Variants in KCNIP3 observed in about 807,000 individuals in gnomAD.
The protein encoded by KCNIP3 is potassium voltage-gated channel interacting protein 3, also known as calsenilin.
A neutral mutation model predicts 35.0 loss-of-function variants in KCNIP3; 28 were observed. The observed-to-expected ratio is 0.80, with a 90% CI of 0.59 to 1.10. The LOEUF is 1.10. KCNIP3 is among the 50% of genes least tolerant of loss of function. The probability of loss-of-function intolerance (pLI) is 0.00; values close to 1 mark genes in which losing one functional copy is unlikely to be tolerated. For synonymous variants in KCNIP3, 134 were observed against 133.8 expected (o/e 1.00, Z -0.01); for missense variants, 295 against 338.4 (o/e 0.87, Z 1.01).
At chr2:95,352,100 T>C (rs571958825) in intron 2 of KCNIP3, among the ~76,000 whole-genome samples, 3 of 152,198 alleles carry the variant, frequency 2.0e-5, no homozygotes, top group Admixed American at 2.0e-4. Flanking sequence ...CCGTCTCTAC[T>C]AAAAATACAA....
intron 2 of KCNIP3, among the ~76,000 whole-genome samples, chr2:95,329,104 G>A (rs1337007480): frequency 6.6e-6 from 1 of 152,220 alleles, no homozygotes; most frequent in Non-Finnish European, 1.5e-5. Context: ...AACATGGGCT[G>A]TGATGAGAGA....
At chr2:95,359,011 T>C (rs1679726319) in intron 2 of KCNIP3, among the ~76,000 whole-genome samples, 1 of 152,194 alleles carries the variant, frequency 6.6e-6, no homozygotes, top group Admixed American at 6.5e-5. Context: ...GTCCCATCTC[T>C]TAATACTGTT....
chr2:95,297,488 G>C lies in KCNIP3; in HGVS notation c.15+35G>C, dbSNP rs375786956. ...GGGGGAATGGGGTCTTGCTCTGGAG[G>C]GGGGTCGGGGGGAGGAATGGAGGCT... On this transcript the variant is annotated intron_variant, in intron 1 of 8. Transcript: ENST00000295225. 28 of 1,337,040 alleles carry C rather than the reference G, an allele frequency of 2.1e-5. No homozygotes were observed. The African/African-American group carries it at 3.7e-4, about 18-fold the overall frequency. 82.8% of individuals were successfully genotyped at this position (1,337,040 alleles called of 1,614,324 possible). A position where few individuals can be genotyped will look rare whatever the true frequency, so the allele number is the denominator to read the frequency against.
chr2:95,328,047 C>T (rs1426068682), intron 2 of KCNIP3, among the ~76,000 whole-genome samples: 1 of 152,274 alleles, frequency 6.6e-6, no homozygotes, highest in Non-Finnish European at 1.5e-5. Context: ...GTGGCCCCCA[C>T]ACCCTCTCAG....
Position 95,374,402 on chromosome 2 carries a change from C to G in KCNIP3, c.288C>G (p.Leu96=), listed in dbSNP as rs1390865138. 3 of 1,614,132 alleles carry G rather than the reference C, an allele frequency of 1.9e-6. No individual in the cohort carries two copies. Among genetic ancestry groups the G allele is most frequent in the South Asian group, 2.2e-5 (2 of 91,066 alleles). The change falls in exon 3 of 9, where the codon CTC becomes CTG. Residue 96 remains leucine, a synonymous_variant. Transcript: ENST00000295225. The part of the protein sequence containing the change: ...TKFTKKELQS[L]YRGFKNECPT... ...TCACCAAGAAGGAGCTGCAGTCTCT[C>G]TACAGGGGCTTTAAGAATGTGAGTG... is the stretch of plus-strand genomic sequence containing the variant.
intron 1 of KCNIP3, among the ~76,000 whole-genome samples, chr2:95,301,405 C>G (rs1356291774): frequency 6.6e-6 from 1 of 152,228 alleles, no homozygotes; most frequent in African/African-American, 2.4e-5. Flanking sequence ...CATGGCTGTG[C>G]CTTGTTGGCT....
chr2:95,337,621 C>T (rs1359612054), intron 2 of KCNIP3, among the ~76,000 whole-genome samples: 3 of 152,184 alleles, frequency 2.0e-5, no homozygotes, highest in African/African-American at 7.2e-5. Flanking sequence ...TTGTTGTCAC[C>T]TTCCCACTCA....
At chr2:95,354,289 C>T (rs571144403) in intron 2 of KCNIP3, among the ~76,000 whole-genome samples, 12 of 152,356 alleles carry the variant, frequency 7.9e-5, no homozygotes, top group African/African-American at 9.6e-5. Flanking sequence ...TAGGGCCTCA[C>T]GGTATGCCCA....
intron 2 of KCNIP3, among the ~76,000 whole-genome samples, chr2:95,326,849 C>T (rs1393001358): frequency 2.6e-5 from 4 of 152,216 alleles, no homozygotes; most frequent in Admixed American, 6.5e-5. Flanking sequence ...AGTAGGCCTC[C>T]GCCTGGAACT....
chr2:95,297,486 AGGGGGGTC>A, intron 1 of KCNIP3, 33 bp downstream of exon 1: 6 of 127,526 alleles, frequency 4.7e-5, no homozygotes, highest in Non-Finnish European at 8.0e-5. Context: ...CTTGCTCTGG[AGGGGGGTC>A]GGGGGGAGGA....
In KCNIP3 at chr2:95,381,692, A is replaced by C. The variant is rs1307730611; in HGVS notation, c.544A>C (p.Ile182Leu). ...CTACGACATTAACAAGGATGGCTAC[A>C]TCACCAAAGAGGTAGTAGGGGGCTG... ...NLYDINKDGY[I>L]TKEEMLAIMK... Residue 182 changes from isoleucine to leucine, a missense_variant, in exon 6 of 9, where the codon ATC becomes CTC. Transcript: ENST00000295225. 1.2e-6 allele frequency: 2 copies of C among 1,611,688 alleles called. No homozygotes were observed. Among genetic ancestry groups the C allele is most frequent in the Non-Finnish European group, 8.5e-7 (1 of 1,177,866 alleles).
chr2:95,327,014 C>A (rs1413259575), intron 2 of KCNIP3, among the ~76,000 whole-genome samples: 2 of 152,220 alleles, frequency 1.3e-5, no homozygotes, highest in African/African-American at 2.4e-5. Flanking sequence ...GTGCTCGGCA[C>A]GTGCCGGCTG....
intron 2 of KCNIP3, among the ~76,000 whole-genome samples, chr2:95,318,622 G>A (rs1188431694): frequency 6.6e-6 from 1 of 152,116 alleles, no homozygotes; most frequent in African/African-American, 2.4e-5. Context: ...GCCTGCACCC[G>A]GGGCTGAGCA....
intron 2 of KCNIP3, chr2:95,347,144 C>T (rs13023684): frequency 2.5e-6 from 4 of 1,586,456 alleles, no homozygotes; most frequent in Non-Finnish European, 3.4e-6. Context: ...CCACTTGCCC[C>T]TTCGCCGCCT....
intron 2 of KCNIP3, among the ~76,000 whole-genome samples, chr2:95,365,756 C>T (rs1363606321): frequency 1.3e-5 from 2 of 152,162 alleles, no homozygotes; most frequent in East Asian, 1.9e-4. Flanking sequence ...CATGGGATAT[C>T]ATCAGCCTTG....
chr2:95,359,842 G>T (rs1317818645), intron 2 of KCNIP3, among the ~76,000 whole-genome samples: 2 of 152,260 alleles, frequency 1.3e-5, no homozygotes, highest in African/African-American at 2.4e-5. Context: ...CACAGCTGGG[G>T]CAGCCAAGGA....
intron 2 of KCNIP3, among the ~76,000 whole-genome samples, chr2:95,364,025 C>T (rs1245935695): frequency 6.6e-6 from 1 of 152,166 alleles, no homozygotes; most frequent in Non-Finnish European, 1.5e-5. Flanking sequence ...TTCTAAATTT[C>T]CTAAGAGCAT....
chr2:95,381,537 TG>T, intron 5 of KCNIP3, 58 bp from the exon 6 acceptor site: 1 of 1,279,018 alleles, frequency 7.8e-7, no homozygotes, highest in Non-Finnish European at 1.1e-6. Context: ...ACACAGCAAC[TG>T]GAACTAGAAC....
intron 2 of KCNIP3, among the ~76,000 whole-genome samples, chr2:95,324,553 T>TAAATAAAA (rs1305988823): frequency 5.3e-5 from 8 of 150,986 alleles, no homozygotes; most frequent in African/African-American, 1.5e-4. Flanking sequence ...AATAAATAAA[T>TAAATAAAA]AAAAATAACG....
Sources: allele counts gnomAD v4.1 joint callset (sites outside exome capture counted in the v4.1 genomes callset), GRCh38; gene constraint gnomAD v4.1.1; transcripts MANE v1.5; gene names NCBI Gene and HGNC (gene_info 2026-07-23, HGNC 2026-07-21).